ALCAM: variants seen among roughly 807,000 people sequenced by gnomAD.
ALCAM encodes the protein CD166 antigen.
ALCAM carries 30 observed loss-of-function variants against 70.9 expected under a neutral mutation model. The ratio of observed to expected loss-of-function variants is 0.42; its 90% CI spans 0.32 to 0.57. ALCAM has a LOEUF of 0.57. Among genes scored for constraint, ALCAM ranks in the 20% least tolerant of loss-of-function variants. ALCAM has a pLI of 0.11. For synonymous variants in ALCAM, 249 were observed against 242.5 expected (o/e 1.03, Z -0.25); for missense variants, 591 against 695.1 (o/e 0.85, Z 1.68).
intron 8 of ALCAM, among the ~76,000 whole-genome samples, chr3:105,543,526 G>T (rs542944660): frequency 6.6e-6 from 1 of 151,360 alleles, no homozygotes; most frequent in East Asian, 2.0e-4. Flanking sequence ...AACAAGATTT[G>T]TTTCCTTTTC....
At chr3:105,486,651 T>A (rs1445057976) in intron 1 of ALCAM, among the ~76,000 whole-genome samples, 1 of 152,156 alleles carries the variant, frequency 6.6e-6, no homozygotes, top group Non-Finnish European at 1.5e-5. Context: ...ACTGGTTTTT[T>A]ACTATGTAAT....
Position 105,367,151 on chromosome 3 carries a change from G to A in ALCAM, c.-258G>A, listed in dbSNP as rs965773436. On this transcript the variant is annotated 5_prime_UTR_variant, in exon 1 of 16. Coordinates refer to ENST00000306107, the MANE Select transcript of ALCAM (RefSeq NM_001627.4). ...TGTCTCCTGGAAACAGAGGGTCGTTGTCCCCGGAGGAGCAGCCGAAGGGCC... is the reference window on the plus strand; with the variant it reads ...TGTCTCCTGGAAACAGAGGGTCGTTATCCCCGGAGGAGCAGCCGAAGGGCC... 5 of 516,486 alleles carry A rather than the reference G, an allele frequency of 9.7e-6. No individual in the cohort carries two copies. Among genetic ancestry groups the A allele is most frequent in the African/African-American group, 5.8e-5 (3 of 51,652 alleles). The allele number at this position is 516,486 out of a possible 1,614,324, so 32.0% of individuals were successfully genotyped here. A position where few individuals can be genotyped will look rare whatever the true frequency, so the allele number is the denominator to read the frequency against.
chr3:105,570,729 T>C (rs1940843306), intron 14 of ALCAM, among the ~76,000 whole-genome samples: 3 of 152,218 alleles, frequency 2.0e-5, no homozygotes, highest in Non-Finnish European at 2.9e-5. Context: ...TATGCACCAT[T>C]ATACATGAAT....
chr3:105,392,922 A>G (rs139656626), intron 1 of ALCAM, among the ~76,000 whole-genome samples: 2 of 151,954 alleles, frequency 1.3e-5, no homozygotes, highest in Non-Finnish European at 2.9e-5. Context: ...TTCTAGTTTG[A>G]TTGTAGTGCA....
chr3:105,550,322 A>C (rs1940360615), intron 12 of ALCAM, 63 bp downstream of exon 12: 1 of 1,479,928 alleles, frequency 6.8e-7, no homozygotes, highest in Non-Finnish European at 9.2e-7. Flanking sequence ...TCATTAGTTT[A>C]AAATCTTCAA....
intron 1 of ALCAM, among the ~76,000 whole-genome samples, chr3:105,438,723 T>C (rs1171973402): frequency 6.6e-6 from 1 of 152,114 alleles, no homozygotes; most frequent in Non-Finnish European, 1.5e-5. Flanking sequence ...AGATATTGTA[T>C]AGAGACACAG....
At chr3:105,457,278 A>C (rs568102617) in intron 1 of ALCAM, among the ~76,000 whole-genome samples, 1 of 152,186 alleles carries the variant, frequency 6.6e-6, no homozygotes, top group East Asian at 1.9e-4. Flanking sequence ...TATGTACTAC[A>C]TTTTCTTTAT....
At chr3:105,533,499 C>T (rs1330245710) in intron 4 of ALCAM, 104 bp from the exon 5 acceptor site, 1 of 889,610 alleles carries the variant, frequency 1.1e-6, no homozygotes, top group African/African-American at 1.7e-5. Context: ...ATAAACGGGT[C>T]AAGAAACCCT....
intron 3 of ALCAM, chr3:105,525,259 A>T (rs1193162360): frequency 9.1e-6 from 9 of 984,870 alleles, no homozygotes; most frequent in African/African-American, 5.2e-5. Context: ...AACTTGGAAT[A>T]ATTATAGTCA....
chr3:105,367,252 C>T lies in ALCAM; in HGVS notation c.-157C>T, dbSNP rs1935082246. On this transcript the variant is annotated 5_prime_UTR_variant, in exon 1 of 16. Coordinates refer to ENST00000306107, the MANE Select transcript of ALCAM (RefSeq NM_001627.4). ...TGGAAAGTTGCGTGCGGCAGAGAAC[C>T]GAAGGTGCAGCGCCACAGCCCAGGG... The T allele has an allele frequency of 3.0e-6, 2 of 668,400 alleles. No homozygotes were observed. The highest frequency in any genetic ancestry group is 5.1e-6 in the Non-Finnish European group (2 of 389,872). The allele number at this position is 668,400 out of a possible 1,614,324, so 41.4% of individuals were successfully genotyped here.
At chr3:105,571,228 C>T (rs1241995850) in intron 14 of ALCAM, among the ~76,000 whole-genome samples, 4 of 152,062 alleles carry the variant, frequency 2.6e-5, no homozygotes, top group Admixed American at 6.6e-5. Context: ...GTATAGGGCC[C>T]GAGAATTTGC....
intron 13 of ALCAM, 91 bp from the exon 14 acceptor site, chr3:105,552,377 G>A: frequency 7.1e-7 from 1 of 1,412,544 alleles, no homozygotes; most frequent in East Asian, 2.3e-5. Flanking sequence ...GTGAGCTTTA[G>A]TCATTTTTAA....
intron 3 of ALCAM, among the ~76,000 whole-genome samples, chr3:105,528,100 C>A (rs936356245): frequency 1.3e-5 from 2 of 152,114 alleles, no homozygotes; most frequent in African/African-American, 4.8e-5. Flanking sequence ...TCAACACGAC[C>A]ATTTGCATCT....
intron 2 of ALCAM, among the ~76,000 whole-genome samples, chr3:105,520,606 T>TTGATTC (rs1939510862): frequency 1.3e-5 from 2 of 152,194 alleles, no homozygotes; most frequent in South Asian, 2.1e-4. Flanking sequence ...TATTACAAGC[T>TTGATTC]TGATTCTGGC....
chr3:105,500,755 G>A (rs947420755), intron 1 of ALCAM, among the ~76,000 whole-genome samples: 2 of 152,162 alleles, frequency 1.3e-5, no homozygotes, highest in Non-Finnish European at 2.9e-5. Context: ...TACAGGATGA[G>A]TGACTGCAAT....
intron 14 of ALCAM, among the ~76,000 whole-genome samples, chr3:105,568,095 C>T (rs1457784963): frequency 7.5e-6 from 1 of 133,984 alleles, no homozygotes; most frequent in Non-Finnish European, 1.6e-5. Flanking sequence ...GAGTCTTGCT[C>T]TGTCACCTAG....
intron 1 of ALCAM, among the ~76,000 whole-genome samples, chr3:105,443,376 A>G (rs371925729): frequency 6.6e-6 from 1 of 152,330 alleles, no homozygotes; most frequent in East Asian, 1.9e-4. Flanking sequence ...GTTGAAAACC[A>G]TACTCTGCAA....
intron 1 of ALCAM, among the ~76,000 whole-genome samples, chr3:105,410,073 T>G (rs1936348678): frequency 6.6e-6 from 1 of 152,086 alleles, no homozygotes; most frequent in Non-Finnish European, 1.5e-5. Context: ...AAATGTGTCA[T>G]GACATTTATT....
At chr3:105,533,260 TAGTC>T (rs1161114209) in intron 4 of ALCAM, among the ~76,000 whole-genome samples, 8 of 152,174 alleles carry the variant, frequency 5.3e-5, no homozygotes, top group Admixed American at 2.0e-4. Context: ...TTCATGGTAA[TAGTC>T]AGTGTTAATA....
Sources: allele counts gnomAD v4.1 joint callset (sites outside exome capture counted in the v4.1 genomes callset), GRCh38; gene constraint gnomAD v4.1.1; transcripts MANE v1.5; gene names NCBI Gene and HGNC (gene_info 2026-07-23, HGNC 2026-07-21).